DISC1: variants seen among roughly 807,000 people sequenced by gnomAD.
DISC1 encodes the protein disrupted in schizophrenia 1 protein.
In DISC1, 57 loss-of-function variants were observed where a neutral mutation model predicts 84.5. The ratio of observed to expected loss-of-function variants is 0.67; its 90% CI spans 0.55 to 0.84. DISC1 has a LOEUF of 0.84. Among genes scored for constraint, DISC1 ranks in the 40% least tolerant of loss-of-function variants. The pLI is 0.00. For synonymous variants in DISC1, 411 were observed against 415.2 expected (o/e 0.99, Z 0.12); for missense variants, 1,000 against 1,057.8 (o/e 0.95, Z 0.76).
intron 9 of DISC1, among the ~76,000 whole-genome samples, chr1:231,928,750 T>C (rs1243864470): frequency 6.6e-6 from 1 of 152,164 alleles, no homozygotes; most frequent in African/African-American, 2.4e-5. Context: ...GATTCTACAA[T>C]GTTGTGACTT....
chr1:231,771,314 A>G, intron 6 of DISC1: 3 of 984,574 alleles, frequency 3.0e-6, no homozygotes, highest in Non-Finnish European at 3.6e-6. Flanking sequence ...CCATTCCAAT[A>G]TGCACCCTCC....
chr1:231,765,408 G>A (rs2076099781), intron 4 of DISC1, among the ~76,000 whole-genome samples: 1 of 151,934 alleles, frequency 6.6e-6, no homozygotes, highest in African/African-American at 2.4e-5. Flanking sequence ...TTTCTGGTTG[G>A]TGCACTTGTC....
At chr1:231,722,325 A>G (rs1393135530) in intron 3 of DISC1, among the ~76,000 whole-genome samples, 2 of 152,186 alleles carry the variant, frequency 1.3e-5, no homozygotes, top group African/African-American at 4.8e-5. Flanking sequence ...GAGATGCTTA[A>G]CCTGGAATGA....
chr1:231,714,682 GAGAC>G (rs1175743453), intron 3 of DISC1, among the ~76,000 whole-genome samples: 1 of 151,626 alleles, frequency 6.6e-6, no homozygotes, highest in Non-Finnish European at 1.5e-5. Context: ...GCAGAGAAGA[GAGAC>G]AGAAAGAGAG....
intron 9 of DISC1, among the ~76,000 whole-genome samples, chr1:231,933,075 C>T (rs1025560171): frequency 5.9e-5 from 9 of 152,172 alleles, no homozygotes; most frequent in East Asian, 1.9e-4. Context: ...ACAACAGCAG[C>T]GATGATAATA....
rs550249621 is a variant in DISC1, at chr1:231,830,983, A to T, written c.1981+12466A>T. ...GACTAATAAAGGCTCGTCTGTTATC[A>T]GACTGTATTGAGGTGGGAAGGCTAA... On this transcript the variant is annotated intron_variant, in intron 9 of 12. Coordinates refer to ENST00000439617, the MANE Select transcript of DISC1 (RefSeq NM_018662.3). Among the ~76,000 whole-genome samples, 26 of 152,362 alleles carry T rather than the reference A, an allele frequency of 1.7e-4. No homozygotes were observed. In the South Asian group the frequency reaches 5.2e-3, roughly 30 times the overall value.
chr1:231,819,002 C>T lies in DISC1; in HGVS notation c.1981+485C>T, dbSNP rs1409582694. 2.2e-5 allele frequency: 22 copies of T among 994,894 alleles called. No individual in the cohort carries two copies. In the African/African-American group the frequency reaches 2.8e-4, roughly 13 times the overall value. The allele number at this position is 994,894 out of a possible 1,614,324, so 61.6% of individuals were successfully genotyped here. Reference sequence around the variant, plus strand: ...AGGATGATGTAGAAGATGTGAATGCCGCCTTAGCCAAAGTGTCTGCTTGTC... The same window carrying T: ...AGGATGATGTAGAAGATGTGAATGCTGCCTTAGCCAAAGTGTCTGCTTGTC... On this transcript the variant is annotated intron_variant, in intron 9 of 12. Transcript: ENST00000439617.
chr1:231,960,240 T>A (rs1456172412), intron 10 of DISC1, among the ~76,000 whole-genome samples: 1 of 152,126 alleles, frequency 6.6e-6, no homozygotes, highest in Non-Finnish European at 1.5e-5. Context: ...TTCCTTTACC[T>A]TCTTCTTATT....
chr1:231,649,327 T>G (rs1445385444), intron 1 of DISC1, among the ~76,000 whole-genome samples: 1 of 152,220 alleles, frequency 6.6e-6, no homozygotes, highest in Admixed American at 6.5e-5. Flanking sequence ...CAGTAGTCAT[T>G]CAGGAGCAGG....
chr1:231,792,729 C>T, intron 6 of DISC1, among the ~76,000 whole-genome samples: 1 of 152,174 alleles, frequency 6.6e-6, no homozygotes, highest in South Asian at 2.1e-4. Context: ...TCCTTCTCAC[C>T]ACCCTAAGTG....
At chr1:231,816,666 C>A (rs768066203) in intron 8 of DISC1, among the ~76,000 whole-genome samples, 8 of 152,136 alleles carry the variant, frequency 5.3e-5, no homozygotes, top group East Asian at 1.9e-4. Flanking sequence ...ATTGAAAATA[C>A]TTTCTTTTCC....
chr1:231,801,566 G>T (rs749683584), intron 8 of DISC1, among the ~76,000 whole-genome samples: 2 of 152,176 alleles, frequency 1.3e-5, no homozygotes, highest in African/African-American at 2.4e-5. Flanking sequence ...AGGATGACCT[G>T]AATTAACCCT....
Position 231,663,846 on chromosome 1 carries a change from G to A in DISC1, c.68-29980G>A, listed in dbSNP as rs12060910. On this transcript the variant is annotated intron_variant, in intron 1 of 12. Transcript: ENST00000439617. ...TTCTGGCAATGATTACTGTTATATA[G>A]ATGCAGAATCTTATTTTTTTAATGA... 4.7e-4 allele frequency among the ~76,000 whole-genome samples: 71 copies of A among 152,216 alleles called. No individual in the cohort carries two copies. In the Middle Eastern group the frequency reaches 0.014, roughly 29 times the overall value.
chr1:231,815,969 C>G (rs2080927587), intron 8 of DISC1, among the ~76,000 whole-genome samples: 2 of 152,088 alleles, frequency 1.3e-5, no homozygotes, highest in African/African-American at 2.4e-5. Context: ...GTTTTCATTT[C>G]TTTTGTGTAA....
chr1:231,757,727 T>C (rs74144109), intron 4 of DISC1, among the ~76,000 whole-genome samples: 2,969 of 152,258 alleles, frequency 0.019, 100 homozygotes, highest in African/African-American at 0.067. Context: ...CAACAAATGG[T>C]ATATGCTCAG....
chr1:231,975,220 C>T (rs1662624280), intron 10 of DISC1, among the ~76,000 whole-genome samples: 2 of 152,048 alleles, frequency 1.3e-5, no homozygotes, highest in Admixed American at 6.6e-5. Flanking sequence ...TGAAAAAGGG[C>T]TCAACTTACT....
chr1:231,935,493 A>G (rs1373226890), intron 9 of DISC1, among the ~76,000 whole-genome samples: 1 of 152,356 alleles, frequency 6.6e-6, no homozygotes, highest in East Asian at 1.9e-4. Flanking sequence ...TTGTTCAGCA[A>G]TAGATATTTC....
chr1:231,847,469 C>T (rs766111540), intron 9 of DISC1, among the ~76,000 whole-genome samples: 6 of 152,108 alleles, frequency 3.9e-5, no homozygotes, highest in Non-Finnish European at 8.8e-5. Flanking sequence ...AAATCAGATC[C>T]TTGCCTAGCA....
chr1:231,646,353 A>G (rs1004270939), intron 1 of DISC1, among the ~76,000 whole-genome samples: 2 of 151,546 alleles, frequency 1.3e-5, no homozygotes, highest in East Asian at 2.0e-4. Flanking sequence ...TTATGGCTGC[A>G]TAGTATTCCA....
Sources: gnomAD v4.1 joint callset for allele counts (sites outside exome capture counted in the v4.1 genomes callset) on GRCh38, gnomAD v4.1.1 for gene constraint, MANE v1.5 for transcripts, NCBI Gene and HGNC (gene_info 2026-07-23, HGNC 2026-07-21) for gene names.